Variants in PLA2R1 observed in about 807,000 individuals in gnomAD.
PLA2R1 encodes phospholipase A2 receptor 1, also known as secretory phospholipase A2 receptor.
Under a neutral mutation model 195.9 loss-of-function variants are expected in PLA2R1, and 158 were observed. The ratio of observed to expected loss-of-function variants is 0.81; its 90% CI spans 0.71 to 0.92. The LOEUF is 0.92. Ranked by LOEUF, PLA2R1 falls within the 40% of genes least tolerant of loss-of-function variation. The probability of loss-of-function intolerance (pLI) is 0.00; values close to 1 mark genes in which losing one functional copy is unlikely to be tolerated. For missense variants in PLA2R1, 1,626 were observed against 1,764.6 expected, an observed-to-expected ratio of 0.92 and a Z score of 1.41; for synonymous variants, 586 against 598.2, an observed-to-expected ratio of 0.98 and a Z score of 0.30.
chr2:160,014,350 G>T (rs1208614192), intron 9 of PLA2R1, among the ~76,000 whole-genome samples: 1 of 150,862 alleles, frequency 6.6e-6, no homozygotes, highest in Non-Finnish European at 1.5e-5. Context: ...CTATGTTTTA[G>T]CCCTGGGAAC....
chr2:159,986,954 T>C (rs1361735737), intron 12 of PLA2R1, among the ~76,000 whole-genome samples: 1 of 152,166 alleles, frequency 6.6e-6, no homozygotes, highest in African/African-American at 2.4e-5. Flanking sequence ...CACCAGGATG[T>C]GTCAATTTTT....
chr2:159,981,851 A>C (rs971889283), intron 13 of PLA2R1, among the ~76,000 whole-genome samples: 5 of 152,054 alleles, frequency 3.3e-5, no homozygotes, highest in African/African-American at 9.7e-5. Context: ...AATTTTGAAA[A>C]ATTTTTTTGT....
downstream of PLA2R1, among the ~76,000 whole-genome samples, chr2:159,929,857 T>TGC (rs1489126955): frequency 9.3e-6 from 1 of 107,176 alleles, no homozygotes; most frequent in East Asian, 3.9e-4. Flanking sequence ...TATATTTGTG[T>TGC]GTGTGTGTGT....
At position 159,933,274 on chromosome 2, in the gene PLA2R1, T is replaced by C. The variant is rs1686664497; in HGVS notation, c.*8504A>G. Reference sequence around the variant, plus strand: ...TTAGTTATTGGCATCCTTCTGCAATTAGAATTCGTCATTAGGTATTAGAGG... The same window carrying C: ...TTAGTTATTGGCATCCTTCTGCAATCAGAATTCGTCATTAGGTATTAGAGG... On this transcript the variant is annotated 3_prime_UTR_variant, in exon 30 of 30. Transcript: ENST00000283243. 1 of 152,234 alleles carries C rather than the reference T, an allele frequency of 6.6e-6. No homozygotes were observed. Among genetic ancestry groups the C allele is most frequent in the African/African-American group, 2.4e-5 (1 of 41,458 alleles). The allele number at this position is 152,234 out of a possible 1,614,324, so 9.4% of individuals were successfully genotyped here.
chr2:159,971,579 A>T (rs1689193760), intron 17 of PLA2R1, among the ~76,000 whole-genome samples: 1 of 152,120 alleles, frequency 6.6e-6, no homozygotes, highest in Admixed American at 6.5e-5. Flanking sequence ...AAGAGGAAGT[A>T]AGGGTTTTTC....
At chr2:159,931,022 T>C (rs938173117), downstream of PLA2R1, among the ~76,000 whole-genome samples, 59 of 152,188 alleles carry the variant, frequency 3.9e-4, no homozygotes, top group African/African-American at 1.4e-3. Context: ...AAAGTCTAAC[T>C]TTCTGTACAT....
At position 159,990,357 on chromosome 2, in the gene PLA2R1, ACTTT is replaced by A. The variant is rs367617491; in HGVS notation, c.1835-3003_1835-3000del. The stretch of plus-strand genomic sequence containing the variant: ...CTCTCCTGCAAACACGAATGGGGAG[ACTTT>A]CTGTCAATTAAGAAATTCTGATTCA... On this transcript the variant is annotated intron_variant, in intron 11 of 29. Coordinates refer to ENST00000283243, the MANE Select transcript of PLA2R1 (RefSeq NM_007366.5). Among the ~76,000 whole-genome samples, 55 of 152,174 alleles carry A rather than the reference ACTTT, an allele frequency of 3.6e-4. 1 individual carries two copies. In the East Asian group the frequency reaches 0.01, roughly 28 times the overall value.
rs144170386 is a variant in PLA2R1 at position 160,038,430 on chromosome 2, C to T, written c.667+3595G>A. Among the ~76,000 whole-genome samples the T allele has an allele frequency of 2.3e-3, 352 of 152,260 alleles. 1 individual carries two copies. The highest frequency in any genetic ancestry group is 8.2e-3 in the African/African-American group (339 of 41,536). ...CCAGGGAATTCCAACGCTGCTGGAA[C>T]GGGGACCACACATTGAGAACAACTG... On this transcript the variant is annotated intron_variant, in intron 3 of 29. Coordinates refer to ENST00000283243, the MANE Select transcript of PLA2R1 (RefSeq NM_007366.5).
At chr2:159,950,781 G>A (rs1339093733) in intron 24 of PLA2R1, among the ~76,000 whole-genome samples, 1 of 152,116 alleles carries the variant, frequency 6.6e-6, no homozygotes, top group Non-Finnish European at 1.5e-5. Flanking sequence ...TAACATTAGG[G>A]AGTAGAACTA....
chr2:160,045,157 T>C lies in PLA2R1; in HGVS notation c.110A>G (p.Asp37Gly), dbSNP rs745536514. 1.9e-6 allele frequency: 3 copies of C among 1,585,180 alleles called. No homozygotes were observed. Among genetic ancestry groups the C allele is most frequent in the East Asian group, 4.5e-5 (2 of 44,400 alleles). Reference protein sequence around the residue: ...LTPERLLEWQDKGIFVIQSES... With the variant: ...LTPERLLEWQGKGIFVIQSES... Reference sequence around the variant, plus strand: ...ACTTTGGATAACAAATATTCCTTTATCTGAAACAAAAATCAAAGATGTGGC... The same window carrying C: ...ACTTTGGATAACAAATATTCCTTTACCTGAAACAAAAATCAAAGATGTGGC... Residue 37 changes from aspartate (D) to glycine (G), a missense_variant and splice_region_variant, in exon 2 of 30, where the codon GAT becomes GGT. By Grantham distance (94) the Asp-to-Gly change is moderately conservative (BLOSUM62 -1). Coordinates refer to ENST00000283243, the MANE Select transcript of PLA2R1 (RefSeq NM_007366.5).
chr2:159,954,568 C>T (rs1346724719), intron 23 of PLA2R1, among the ~76,000 whole-genome samples: 2 of 151,712 alleles, frequency 1.3e-5, no homozygotes, highest in Non-Finnish European at 2.9e-5. Context: ...CCATACAGCT[C>T]TAGACACCAA....
chr2:159,927,876 C>T (rs576580634), downstream of PLA2R1, among the ~76,000 whole-genome samples: 1 of 152,332 alleles, frequency 6.6e-6, no homozygotes, highest in African/African-American at 2.4e-5. Flanking sequence ...TGTATTGCCA[C>T]AAATTAGCCA....
chr2:160,037,100 A>G (rs1694211624), intron 3 of PLA2R1, among the ~76,000 whole-genome samples: 1 of 151,912 alleles, frequency 6.6e-6, no homozygotes, highest in Non-Finnish European at 1.5e-5. Flanking sequence ...ATAAATCCAC[A>G]TTTTTCCAAT....
chr2:160,036,456 T>C (rs1194326063), intron 3 of PLA2R1, among the ~76,000 whole-genome samples: 2 of 152,162 alleles, frequency 1.3e-5, no homozygotes, highest in African/African-American at 2.4e-5. Context: ...GTAGGCCTCA[T>C]GGGGGAAAGC....
At chr2:159,965,601 T>C (rs1297209273) in intron 20 of PLA2R1, among the ~76,000 whole-genome samples, 2 of 152,216 alleles carry the variant, frequency 1.3e-5, no homozygotes, top group African/African-American at 2.4e-5. Context: ...ATGTTATAAA[T>C]ATTCATGGAC....
rs1353426593 is a variant in PLA2R1, at chr2:159,951,358, A to C, written c.3522T>G (p.Ile1174Met). The C allele has an allele frequency of 6.2e-7, 1 of 1,605,242 alleles. No individual in the cohort carries two copies. Among genetic ancestry groups the C allele is most frequent in the African/African-American group, 1.3e-5 (1 of 74,770 alleles). ...VLNRLGYAHWIGLFTTDNGLN... is the reference protein window; with the variant it reads ...VLNRLGYAHWMGLFTTDNGLN... ...TACCTACATCTGTGGTGAACAGTCC[A>C]ATCCAGTGGGCATATCCTAGCCGGT... Residue 1174 changes from isoleucine to methionine, a missense_variant, in exon 24 of 30, where the codon ATT (isoleucine) becomes ATG (methionine). Physicochemically the swap from Ile to Met is conservative, Grantham distance 10. Coordinates refer to ENST00000283243, the MANE Select transcript of PLA2R1 (RefSeq NM_007366.5).
intron 7 of PLA2R1, among the ~76,000 whole-genome samples, chr2:160,022,445 CTAATATATGTGGCA>C (rs1693197545): frequency 6.6e-6 from 1 of 152,038 alleles, no homozygotes; most frequent in South Asian, 2.1e-4. Flanking sequence ...TAAAAATCAT[CTAATATATGTGGCA>C]TATATGAAGA....
chr2:159,988,223 T>C (rs185654002), intron 11 of PLA2R1, among the ~76,000 whole-genome samples: 32 of 147,192 alleles, frequency 2.2e-4, no homozygotes, highest in Non-Finnish European at 4.0e-4. Context: ...ATTCCAAAAA[T>C]AGAATTAAAA....
chr2:159,980,480 T>C lies in PLA2R1; in HGVS notation c.2184-566A>G, dbSNP rs572357032. The stretch of plus-strand genomic sequence containing the variant: ...TTGTTGTTCTTTTGTTAAACATTCA[T>C]GTATTCTCTGAAAGTCAACCACCAT... On this transcript the variant is annotated intron_variant, in intron 13 of 29. Transcript: ENST00000283243. Among the ~76,000 whole-genome samples the C allele has an allele frequency of 1.2e-4, 18 of 152,356 alleles. No individual in the cohort carries two copies. The South Asian group carries it at 3.5e-3, about 30-fold the overall frequency.
Sources: allele counts gnomAD v4.1 joint callset (sites outside exome capture counted in the v4.1 genomes callset), GRCh38; gene constraint gnomAD v4.1.1; transcripts MANE v1.5; gene names NCBI Gene and HGNC (gene_info 2026-07-23, HGNC 2026-07-21).